Variants in EDA observed in about 807,000 individuals in gnomAD.
EDA encodes ectodysplasin A, also known as ectodysplasin-A.
A neutral mutation model predicts 23.6 loss-of-function variants in EDA; 2 were observed. The ratio of observed to expected loss-of-function variants is 0.08; its 90% CI spans 0.03 to 0.27. The LOEUF (loss-of-function observed/expected upper bound fraction) is 0.27, where lower values mean the gene tolerates loss of function less well. Among genes scored for constraint, EDA ranks in the 10% least tolerant of loss-of-function variants. The probability of loss-of-function intolerance (pLI) is 1.00; values close to 1 mark genes in which losing one functional copy is unlikely to be tolerated. For synonymous variants in EDA, 131 were observed against 132.0 expected, an observed-to-expected ratio of 0.99 and a Z score of 0.05; for missense variants, 229 against 324.2, an observed-to-expected ratio of 0.71 and a Z score of 2.26.
chrX:69,729,925 C>T (rs2012956660), intron 1 of EDA, among the ~76,000 whole-genome samples: 1 of 112,022 alleles, frequency 8.9e-6, no homozygotes, highest in African/African-American at 3.2e-5. Flanking sequence ...GCAAAACTCT[C>T]CTGCTCACCA....
chrX:69,960,355 G>A (rs2019081443), intron 2 of EDA, among the ~76,000 whole-genome samples: 1 of 111,317 alleles, frequency 9.0e-6, no homozygotes, highest in Non-Finnish European at 1.9e-5. Context: ...TGACCCCAGG[G>A]TTTTGGACTT....
chrX:70,022,230 A>G (rs2020044102), intron 2 of EDA, among the ~76,000 whole-genome samples: 1 of 111,685 alleles, frequency 9.0e-6, no homozygotes, highest in Non-Finnish European at 1.9e-5. Context: ...AGTACCTTCA[A>G]TTGATTAGAA....
chrX:69,808,696 G>C (rs1254580655), intron 1 of EDA, among the ~76,000 whole-genome samples: 1 of 111,865 alleles, frequency 8.9e-6, no homozygotes, highest in Non-Finnish European at 1.9e-5. Flanking sequence ...TACCCCATGA[G>C]TAGCAAGATA....
In EDA at chrX:69,989,625, C is replaced by T. The variant is rs915927565; in HGVS notation, c.502+32493C>T. Among the ~76,000 whole-genome samples, 6 of 110,853 alleles carry T rather than the reference C, an allele frequency of 5.4e-5. No homozygotes were observed. The East Asian group carries it at 1.7e-3, about 31-fold the overall frequency. ...TATCTAACAAGCAATTACAAATCCT[C>T]CTGAAACACAGAAATATATATATAA... On this transcript the variant is annotated intron_variant, in intron 2 of 7. Transcript: ENST00000374552.
At chrX:69,807,466 A>G (rs2015840891) in intron 1 of EDA, among the ~76,000 whole-genome samples, 1 of 98,810 alleles carries the variant, frequency 1.0e-5, no homozygotes, top group African/African-American at 3.7e-5. Context: ...AGATACCTCT[A>G]TTGTGTCTCA....
intron 1 of EDA, among the ~76,000 whole-genome samples, chrX:69,900,449 T>TA (rs2018082224): frequency 1.9e-5 from 2 of 107,959 alleles, no homozygotes; most frequent in Non-Finnish European, 3.8e-5. Flanking sequence ...TTAATACATA[T>TA]TTTATCATAA....
intron 1 of EDA, among the ~76,000 whole-genome samples, chrX:69,942,036 A>AT (rs1396161315): frequency 2.7e-5 from 3 of 111,958 alleles, no homozygotes; most frequent in African/African-American, 9.7e-5. Context: ...ATGATTACAT[A>AT]TACAAACAAA....
chrX:69,616,268 G>T lies in EDA; in HGVS notation c.-41G>T. 8.6e-7 allele frequency: 1 copy of T among 1,157,670 alleles called. No homozygotes were observed. Among genetic ancestry groups the T allele is most frequent in the East Asian group, 3.2e-5 (1 of 31,071 alleles). On this transcript the variant is annotated 5_prime_UTR_variant, in exon 1 of 8. Transcript: ENST00000374552. ...GTCGTGAACGGCTGAGGCAGACGCA[G>T]CGGCTCCCGGGCCTCAAGAGAGTGG...
intron 1 of EDA, among the ~76,000 whole-genome samples, chrX:69,771,326 G>A (rs2014633106): frequency 9.0e-6 from 1 of 111,107 alleles, no homozygotes; most frequent in Non-Finnish European, 1.9e-5. Flanking sequence ...CCAAAGTGCT[G>A]GGATTACACG....
chrX:69,765,749 G>A (rs911776892), intron 1 of EDA, among the ~76,000 whole-genome samples: 42 of 110,968 alleles, frequency 3.8e-4, no homozygotes, highest in African/African-American at 1.4e-3. Context: ...ACTGACATTG[G>A]TACAATGTGT....
At chrX:69,989,884 A>G (rs766101132) in intron 2 of EDA, among the ~76,000 whole-genome samples, 2 of 106,042 alleles carry the variant, frequency 1.9e-5, no homozygotes, top group African/African-American at 6.9e-5. Context: ...AAGATCTAGT[A>G]TTCGTATCAT....
At chrX:69,845,361 TG>T (rs2016985750) in intron 1 of EDA, among the ~76,000 whole-genome samples, 1 of 111,964 alleles carries the variant, frequency 8.9e-6, no homozygotes, top group African/African-American at 3.2e-5. Context: ...TATTCATTTG[TG>T]GATTTTGTGG....
At chrX:69,937,033 A>G in intron 1 of EDA, 3 of 440,594 alleles carry the variant, frequency 6.8e-6, no homozygotes, top group Non-Finnish European at 1.2e-5. Flanking sequence ...GGCAGACAAT[A>G]AAATGGGCCA....
Position 70,016,944 on chromosome X carries a change from AAGAT to A in EDA, c.503-6270_503-6267del, listed in dbSNP as rs767187102. ...TACTTGGTTTTTTGAAAGAATAAAT[AAGAT>A]AGACCACTAGCTAGAGTAATAAAGA... On this transcript the variant is annotated intron_variant, in intron 2 of 7. Coordinates refer to ENST00000374552, the MANE Select transcript of EDA (RefSeq NM_001399.5). Among the ~76,000 whole-genome samples the A allele has an allele frequency of 4.9e-3, 541 of 111,316 alleles. 2 individuals carry two copies. The highest frequency in any genetic ancestry group is 0.017 in the African/African-American group (511 of 30,636).
intron 1 of EDA, among the ~76,000 whole-genome samples, chrX:69,698,875 G>A (rs899928390): frequency 5.4e-5 from 6 of 111,335 alleles, no homozygotes; most frequent in Non-Finnish European, 9.4e-5. Context: ...AGTCCAAAAC[G>A]GGGAATTCTA....
chrX:69,906,778 T>C (rs1243989511), intron 1 of EDA, among the ~76,000 whole-genome samples: 2 of 111,888 alleles, frequency 1.8e-5, no homozygotes, highest in Non-Finnish European at 3.8e-5. Context: ...TACACACCCC[T>C]ACAGGTTGTT....
chrX:69,726,027 C>T (rs1305298203), intron 1 of EDA, among the ~76,000 whole-genome samples: 1 of 111,578 alleles, frequency 9.0e-6, no homozygotes, highest in African/African-American at 3.3e-5. Context: ...GGGGTTTCAG[C>T]GGTCTCACAG....
rs776392047 is a variant in EDA, at chrX:69,686,478, C to T, written c.396+69774C>T. ...CCATATACTTCACCCATTTCAAGTG[C>T]TAATTCATTGGTTTTTAGTACATTC... On this transcript the variant is annotated intron_variant, in intron 1 of 7. Transcript: ENST00000374552. 2.7e-5 allele frequency among the ~76,000 whole-genome samples: 3 copies of T among 111,830 alleles called. No individual in the cohort carries two copies. In the East Asian group the frequency reaches 8.4e-4, roughly 31 times the overall value.
intron 1 of EDA, among the ~76,000 whole-genome samples, chrX:69,758,024 C>G (rs2804387): frequency 0.34 from 38,132 of 110,929 alleles, 5,374 homozygotes; most frequent in Middle Eastern, 0.57. Flanking sequence ...CGATTTGTCT[C>G]CATTTTTATT....
Sources: allele counts gnomAD v4.1 joint callset (sites outside exome capture counted in the v4.1 genomes callset), GRCh38; gene constraint gnomAD v4.1.1; transcripts MANE v1.5; gene names NCBI Gene and HGNC (gene_info 2026-07-23, HGNC 2026-07-21).